The following FAT4 variants were observed in gnomAD, a reference collection of about 807,000 sequenced individuals.
FAT4 encodes the protein protocadherin Fat 4.
FAT4 carries 84 observed loss-of-function variants against 303.9 expected under a neutral mutation model. The ratio of observed to expected loss-of-function variants is 0.28; its 90% CI spans 0.23 to 0.33. The LOEUF (loss-of-function observed/expected upper bound fraction) is 0.33. Ranked by LOEUF, FAT4 falls within the 10% of genes least tolerant of loss-of-function variation. FAT4 has a pLI of 1.00. For synonymous variants in FAT4, 2,307 were observed against 2,298.8 expected, an observed-to-expected ratio of 1.00 and a Z score of -0.10; for missense variants, 6,005 against 6,146.8, an observed-to-expected ratio of 0.98 and a Z score of 0.77.
chr4:125,353,287 C>T (rs1006543448), intron 2 of FAT4, among the ~76,000 whole-genome samples: 1 of 151,750 alleles, frequency 6.6e-6, no homozygotes, highest in Non-Finnish European at 1.5e-5. Flanking sequence ...TTCACCAAAA[C>T]ATTACTTCAT....
intron 8 of FAT4, among the ~76,000 whole-genome samples, chr4:125,445,419 A>T (rs1725793739): frequency 6.6e-6 from 1 of 152,166 alleles, no homozygotes; most frequent in Non-Finnish European, 1.5e-5. Context: ...ACATGCAGCC[A>T]ACTCCAACAA....
At chr4:125,426,593 C>G (rs1167843902) in intron 7 of FAT4, among the ~76,000 whole-genome samples, 12 of 151,946 alleles carry the variant, frequency 7.9e-5, no homozygotes, top group Admixed American at 7.9e-4. Context: ...AAATCAGCTA[C>G]TCTTTAGTCA....
intron 5 of FAT4, among the ~76,000 whole-genome samples, chr4:125,410,559 C>T (rs1043010506): frequency 6.6e-6 from 1 of 152,068 alleles, no homozygotes; most frequent in Admixed American, 6.6e-5. Context: ...TGACTGTGCT[C>T]AACTTTTCTA....
chr4:125,341,180 GA>G (rs536117683), intron 2 of FAT4, among the ~76,000 whole-genome samples: 6 of 151,686 alleles, frequency 4.0e-5, no homozygotes, highest in Non-Finnish European at 5.9e-5. Flanking sequence ...AGATATGCAA[GA>G]AAAAAAATGA....
rs2126060621 is a variant in FAT4 at position 125,451,286 on chromosome 4, A to G, written c.10276A>G (p.Thr3426Ala). The G allele has an allele frequency of 1.9e-6, 3 of 1,614,092 alleles. No individual in the cohort carries two copies. The highest frequency in any genetic ancestry group is 2.5e-6 in the Non-Finnish European group (3 of 1,180,014). Reference protein sequence around the residue: ...SEGVPIGTHVTFVSAFDSDSI... With the variant: ...SEGVPIGTHVAFVSAFDSDSI... ...AGGGGTCCCAATAGGAACTCATGTG[A>G]CCTTTGTCAGTGCCTTTGACTCAGA... Residue 3426 changes from threonine to alanine, a missense_variant, in exon 10 of 18, where the codon ACC becomes GCC. By Grantham distance (58) the Thr-to-Ala change is moderately conservative. Transcript: ENST00000394329.
At chr4:125,333,802 C>A (rs746923570) in intron 2 of FAT4, among the ~76,000 whole-genome samples, 1 of 152,036 alleles carries the variant, frequency 6.6e-6, no homozygotes, top group African/African-American at 2.4e-5. Flanking sequence ...TTGAAAACAT[C>A]GGTGCTGTTT....
chr4:125,486,658 C>A (rs1727423254), intron 16 of FAT4, among the ~76,000 whole-genome samples: 1 of 152,050 alleles, frequency 6.6e-6, no homozygotes, highest in Non-Finnish European at 1.5e-5. Flanking sequence ...GTGGGAGCAC[C>A]CTGTTACCCA....
At chr4:125,456,132 AG>A (rs1379869336) in intron 10 of FAT4, among the ~76,000 whole-genome samples, 4 of 152,130 alleles carry the variant, frequency 2.6e-5, no homozygotes, top group African/African-American at 9.7e-5. Context: ...AGTCTGGAAA[AG>A]GTAGTTTTCA....
At chr4:125,331,353 G>A (rs1414537693) in intron 2 of FAT4, among the ~76,000 whole-genome samples, 2 of 152,132 alleles carry the variant, frequency 1.3e-5, no homozygotes, top group Non-Finnish European at 2.9e-5. Flanking sequence ...AACCAGTGAT[G>A]CATGCTGAAG....
rs889404437 is a variant in FAT4 at position 125,415,228 on chromosome 4, C to T, written c.6265C>T (p.Leu2089=). Residue 2089 remains leucine (L), a synonymous_variant, in exon 6 of 18, where the codon CTG becomes TTG. Transcript: ENST00000394329. ...CCCAAACAGCTATATTGAGTACACT[C>T]TGCTGAACCCTTTGGGAAACAAGTT... is the stretch of plus-strand genomic sequence containing the variant. The part of the protein sequence containing the change: ...SGPNSYIEYT[L]LNPLGNKFSI... 1 of 1,613,964 alleles carries T rather than the reference C, an allele frequency of 6.2e-7. No individual in the cohort carries two copies. The highest frequency in any genetic ancestry group is 1.3e-5 in the African/African-American group (1 of 74,924).
rs1731557436 is a variant in FAT4, at chr4:125,336,029, T to C, written c.5175+14443T>C. ...ATAAAAAAATGTAAACAACTCCTGGTCATGTAAATAGCTACTGTTCATACA... is the reference window on the plus strand; with the variant it reads ...ATAAAAAAATGTAAACAACTCCTGGCCATGTAAATAGCTACTGTTCATACA... On this transcript the variant is annotated intron_variant, in intron 2 of 17. Coordinates refer to ENST00000394329, the MANE Select transcript of FAT4 (RefSeq NM_001291303.3). 2.0e-5 allele frequency among the ~76,000 whole-genome samples: 3 copies of C among 152,192 alleles called. No homozygotes were observed. In the South Asian group the frequency reaches 6.2e-4, roughly 32 times the overall value.
At chr4:125,428,472 G>A (rs1725169827) in intron 7 of FAT4, among the ~76,000 whole-genome samples, 1 of 152,096 alleles carries the variant, frequency 6.6e-6, no homozygotes, top group Admixed American at 6.5e-5. Flanking sequence ...ATAAATAATT[G>A]GAAGATTAAC....
In FAT4 at chr4:125,491,927, G is replaced by A; in HGVS notation, c.*159G>A. The A allele has an allele frequency of 1.5e-6, 1 of 672,008 alleles. No homozygotes were observed. Among genetic ancestry groups the A allele is most frequent in the Non-Finnish European group, 2.4e-6 (1 of 409,294 alleles). 41.6% of individuals were successfully genotyped at this position (672,008 alleles called of 1,614,324 possible). A position where few individuals can be genotyped will look rare whatever the true frequency, so the allele number is the denominator to read the frequency against. On this transcript the variant is annotated 3_prime_UTR_variant, in exon 18 of 18. Coordinates refer to ENST00000394329, the MANE Select transcript of FAT4 (RefSeq NM_001291303.3). ...TAATAACCACAATGCTGCTGAAACA[G>A]ACTCACAACAACTCTTAATTTAAAC... is the stretch of plus-strand genomic sequence containing the variant.
intron 2 of FAT4, among the ~76,000 whole-genome samples, chr4:125,355,471 A>G (rs1315453474): frequency 1.3e-5 from 2 of 152,026 alleles, no homozygotes; most frequent in East Asian, 1.9e-4. Flanking sequence ...TGGAAATAAT[A>G]TTACGAACTT....
At chr4:125,397,826 T>C (rs1305128706) in intron 2 of FAT4, among the ~76,000 whole-genome samples, 2 of 152,120 alleles carry the variant, frequency 1.3e-5, no homozygotes, top group Non-Finnish European at 2.9e-5. Context: ...TCCTTATCAC[T>C]CATCACTGAT....
chr4:125,372,108 A>C (rs990552700), intron 2 of FAT4, among the ~76,000 whole-genome samples: 1 of 152,152 alleles, frequency 6.6e-6, no homozygotes, highest in Non-Finnish European at 1.5e-5. Context: ...ACACTTTGGA[A>C]GGCAGAGGTG....
At position 125,449,332 on chromosome 4, in the gene FAT4, G is replaced by T. The variant is rs748948004; in HGVS notation, c.8322G>T (p.Arg2774Ser). Residue 2774 changes from arginine to serine, a missense_variant, in exon 10 of 18, where the codon AGG (arginine) becomes AGT (serine). Arg to Ser is a moderately radical substitution (Grantham distance 110). Coordinates refer to ENST00000394329, the MANE Select transcript of FAT4 (RefSeq NM_001291303.3). ...NILDENDNAP[R>S]FSQIFSAHVP... ...TAGATGAAAATGATAATGCCCCTAGGTTTTCTCAGATATTTAGTGCCCATG... is the reference window on the plus strand; with the variant it reads ...TAGATGAAAATGATAATGCCCCTAGTTTTTCTCAGATATTTAGTGCCCATG... 19 of 1,613,668 alleles carry T rather than the reference G, an allele frequency of 1.2e-5. No homozygotes were observed. Among genetic ancestry groups the T allele is most frequent in the East Asian group, 2.2e-5 (1 of 44,858 alleles).
At chr4:125,397,755 C>T (rs1460304631) in intron 2 of FAT4, among the ~76,000 whole-genome samples, 1 of 152,148 alleles carries the variant, frequency 6.6e-6, no homozygotes, top group Non-Finnish European at 1.5e-5. Flanking sequence ...CCACAGCTTC[C>T]ATTCTTCCTG....
chr4:125,458,045 T>C (rs146497840), intron 10 of FAT4, among the ~76,000 whole-genome samples: 534 of 152,186 alleles, frequency 3.5e-3, no homozygotes, highest in Non-Finnish European at 5.4e-3. Context: ...ATGCAGCATT[T>C]TGATAGAGCT....
Sources: gnomAD v4.1 joint callset for allele counts (sites outside exome capture counted in the v4.1 genomes callset) on GRCh38, gnomAD v4.1.1 for gene constraint, MANE v1.5 for transcripts, NCBI Gene and HGNC (gene_info 2026-07-23, HGNC 2026-07-21) for gene names.